ELP1: variants seen among roughly 807,000 people sequenced by gnomAD.
ELP1 encodes elongator complex protein 1.
ELP1 carries 131 observed loss-of-function variants against 183.2 expected under a neutral mutation model. The observed-to-expected ratio is 0.72, with a 90% CI of 0.62 to 0.83. The LOEUF is 0.83. Among genes scored for constraint, ELP1 ranks in the 40% least tolerant of loss-of-function variants. ELP1 has a pLI of 0.00. For synonymous variants in ELP1, 555 were observed against 569.0 expected, an observed-to-expected ratio of 0.98 and a Z score of 0.35; for missense variants, 1,550 against 1,594.9, an observed-to-expected ratio of 0.97 and a Z score of 0.48.
chr9:108,872,246 A>G (rs79830790), intron 36 of ELP1, among the ~76,000 whole-genome samples: 4,646 of 152,284 alleles, frequency 0.031, 242 homozygotes, highest in African/African-American at 0.11. Context: ...TTAAGCAGAT[A>G]TTGGTAACAC....
chr9:108,915,696 T>G (rs1267985904), intron 10 of ELP1, among the ~76,000 whole-genome samples: 1 of 143,738 alleles, frequency 7.0e-6, no homozygotes, highest in Non-Finnish European at 1.5e-5. Flanking sequence ...CGTCTCTCTA[T>G]GTAAGTACAG....
At chr9:108,901,884 C>T (rs1196185549) in intron 16 of ELP1, among the ~76,000 whole-genome samples, 1 of 152,140 alleles carries the variant, frequency 6.6e-6, no homozygotes, top group Non-Finnish European at 1.5e-5. Flanking sequence ...CCTGACATCT[C>T]CATCTCCTAC....
chr9:108,926,536 A>G lies in ELP1; in HGVS notation c.453T>C (p.Asp151=), dbSNP rs1354058546. The change falls in exon 5 of 37, where the codon GAT becomes GAC. Residue 151 remains aspartate, a synonymous_variant. Transcript: ENST00000374647. ...EPILEQQIHQ[D]DFGESKFITV... ...AGCTATACTTACTTTCACCAAAATCATCCTGATGGATCTGCTGCTCCAGGA... is the reference window on the plus strand; with the variant it reads ...AGCTATACTTACTTTCACCAAAATCGTCCTGATGGATCTGCTGCTCCAGGA... 2.5e-6 allele frequency: 4 copies of G among 1,612,826 alleles called. No individual in the cohort carries two copies.
intron 12 of ELP1, among the ~76,000 whole-genome samples, chr9:108,910,741 T>G (rs1162574726): frequency 6.6e-6 from 1 of 152,116 alleles, no homozygotes. Context: ...ACATACTATG[T>G]TATTTCCAGA....
chr9:108,915,935 C>T (rs1021038552), intron 10 of ELP1, among the ~76,000 whole-genome samples: 4 of 151,830 alleles, frequency 2.6e-5, no homozygotes, highest in African/African-American at 9.7e-5. Flanking sequence ...TGGATTTTGG[C>T]GTCCATGGGC....
chr9:108,912,210 G>A, intron 11 of ELP1, 54 bp downstream of exon 11: 2 of 1,329,890 alleles, frequency 1.5e-6, no homozygotes, highest in South Asian at 1.2e-5. Flanking sequence ...ACATCTGCAG[G>A]CCCTAGGCTC....
intron 5 of ELP1, among the ~76,000 whole-genome samples, 199 bp downstream of exon 5, chr9:108,926,324 A>G (rs1245951905): frequency 6.6e-6 from 1 of 152,092 alleles, no homozygotes; most frequent in Non-Finnish European, 1.5e-5. Context: ...GTGACCTTAA[A>G]CCCTCAGACC....
At chr9:108,893,160 C>T in intron 26 of ELP1, 77 bp from the exon 27 acceptor site, 1 of 979,294 alleles carries the variant, frequency 1.0e-6, no homozygotes, top group Non-Finnish European at 1.6e-6. Context: ...CCAATGGTCA[C>T]CAAACAAAAT....
chr9:108,879,662 A>G (rs930535228), intron 32 of ELP1, 105 bp from the exon 33 acceptor site: 6 of 773,464 alleles, frequency 7.8e-6, no homozygotes. Context: ...TGCATATCAA[A>G]GGATGGATGA....
chr9:108,869,948 C>T (rs1827380452), intron 36 of ELP1, among the ~76,000 whole-genome samples: 1 of 152,152 alleles, frequency 6.6e-6, no homozygotes, highest in Non-Finnish European at 1.5e-5. Flanking sequence ...TGCGGACCCC[C>T]CTGCACAGTC....
In ELP1 at chr9:108,929,567, G is replaced by A. The variant is rs548504575; in HGVS notation, c.303+202C>T. On this transcript the variant is annotated intron_variant, in intron 3 of 36. Transcript: ENST00000374647. Reference sequence around the variant, plus strand: ...CTGATCACTCTGATTAATAGATGCAGCAGACAAAACTCAGTTTTAGAAGAA... The same window carrying A: ...CTGATCACTCTGATTAATAGATGCAACAGACAAAACTCAGTTTTAGAAGAA... Among the ~76,000 whole-genome samples, 35 of 152,284 alleles carry A rather than the reference G, an allele frequency of 2.3e-4. No homozygotes were observed. In the East Asian group the frequency reaches 6.5e-3, roughly 28 times the overall value.
Position 108,868,469 on chromosome 9 carries a change from A to T in ELP1, c.*646T>A, listed in dbSNP as rs1827316476. On this transcript the variant is annotated 3_prime_UTR_variant, in exon 37 of 37. Coordinates refer to ENST00000374647, the MANE Select transcript of ELP1 (RefSeq NM_003640.5). ...GTGCATGATACTGTTTAGAAATTCT[A>T]ATCTGTTCTAGCTCTAACATTGCTA... 1 of 356,722 alleles carries T rather than the reference A, an allele frequency of 2.8e-6. No homozygotes were observed. Among genetic ancestry groups the T allele is most frequent in the African/African-American group, 2.1e-5 (1 of 47,844 alleles). 22.1% of individuals were successfully genotyped at this position (356,722 alleles called of 1,614,324 possible).
chr9:108,885,752 CCAA>C (rs546433749), intron 29 of ELP1, among the ~76,000 whole-genome samples: 38 of 152,188 alleles, frequency 2.5e-4, no homozygotes, highest in African/African-American at 9.2e-4. Context: ...CCATTTTTTC[CCAA>C]GGAACAACTC....
intron 31 of ELP1, 87 bp from the exon 32 acceptor site, chr9:108,880,252 A>G: frequency 1.2e-6 from 1 of 859,808 alleles, no homozygotes; most frequent in East Asian, 2.5e-5. Flanking sequence ...AGGAGGGTTA[A>G]AATTCAGCAA....
At position 108,912,417 on chromosome 9, in the gene ELP1, T is replaced by A. The variant is rs1484853512; in HGVS notation, c.1036A>T (p.Ile346Phe). 1.9e-6 allele frequency: 3 copies of A among 1,614,004 alleles called. No individual in the cohort carries two copies. Residue 346 changes from isoleucine to phenylalanine, a missense_variant, in exon 11 of 37, where the codon ATT becomes TTT. Transcript: ENST00000374647. The stretch of plus-strand genomic sequence containing the variant: ...ACAGGGTCCCACATCAGAGACACAA[T>A]CTTGCTCTTCCCACAGGTGCTGAAG... The part of the protein sequence containing the change: ...LSFSTCGKSK[I>F]VSLMWDPVTP...
intron 36 of ELP1, among the ~76,000 whole-genome samples, chr9:108,874,169 A>G (rs1827603853): frequency 6.6e-6 from 1 of 152,240 alleles, no homozygotes; most frequent in Non-Finnish European, 1.5e-5. Context: ...TGCAAATAAT[A>G]GCAGTTAAAA....
Position 108,878,742 on chromosome 9 carries a change from G to A in ELP1, c.3581C>T (p.Ser1194Phe). The change falls in exon 34 of 37, where the codon TCC becomes TTC. Residue 1194 changes from serine (S) to phenylalanine (F), a missense_variant. Ser to Phe is a radical substitution (Grantham distance 155). Transcript: ENST00000374647. ...CCGCTCCGCTTTTCGGCGATTCTTG[G>A]ATGATCTCCTGTTAGAAATTACACA... ...HSNSRISARS[S>F]KNRRKAERKK... is the part of the protein sequence containing the mutation. 6.2e-7 allele frequency: 1 copy of A among 1,614,098 alleles called. No homozygotes were observed. The highest frequency in any genetic ancestry group is 8.5e-7 in the Non-Finnish European group (1 of 1,180,032).
At position 108,929,822 on chromosome 9, in the gene ELP1, A is replaced by C; in HGVS notation, c.250T>G (p.Cys84Gly). ...ACGTCTCCAGAGGCTGTGGCCACAC[A>C]CACAGACTCCTGATCCAGCAAGTCC... is the stretch of plus-strand genomic sequence containing the variant. ...VQDLLDQESV[C>G]VATASGDVIL... The change falls in exon 3 of 37, where the codon TGT becomes GGT. Residue 84 changes from cysteine to glycine, a missense_variant. Physicochemically the swap from Cys to Gly is radical, Grantham distance 159. Coordinates refer to ENST00000374647, the MANE Select transcript of ELP1 (RefSeq NM_003640.5). The C allele has an allele frequency of 6.2e-7, 1 of 1,613,984 alleles. No homozygotes were observed. Among genetic ancestry groups the C allele is most frequent in the East Asian group, 2.2e-5 (1 of 44,880 alleles).
intron 24 of ELP1, 79 bp downstream of exon 24, chr9:108,896,874 G>T (rs1828570267): frequency 7.7e-7 from 1 of 1,292,396 alleles, no homozygotes; most frequent in Non-Finnish European, 1.1e-6. Flanking sequence ...GTGTGGCAAT[G>T]ACATGGTGAT....
Sources: allele counts gnomAD v4.1 joint callset (sites outside exome capture counted in the v4.1 genomes callset), GRCh38; gene constraint gnomAD v4.1.1; transcripts MANE v1.5; gene names NCBI Gene and HGNC (gene_info 2026-07-23, HGNC 2026-07-21).